The following DAPK2 variants were observed in gnomAD, a reference collection of about 807,000 sequenced individuals.
The protein encoded by DAPK2 is death associated protein kinase 2, also known as death-associated protein kinase 2.
DAPK2 carries 35 observed loss-of-function variants against 44.1 expected under a neutral mutation model. That is an observed-to-expected ratio of 0.79 (90% CI 0.61 to 1.05). DAPK2 has a LOEUF of 1.05. DAPK2 is among the 50% of genes least tolerant of loss of function. DAPK2 has a pLI of 0.00. For synonymous variants in DAPK2, 174 were observed against 182.6 expected (o/e 0.95, Z 0.38); for missense variants, 453 against 483.2 (o/e 0.94, Z 0.59).
At chr15:63,975,889 C>T (rs560306869) in intron 2 of DAPK2, among the ~76,000 whole-genome samples, 3 of 152,290 alleles carry the variant, frequency 2.0e-5, no homozygotes, top group South Asian at 4.2e-4. Flanking sequence ...CCATTGCGCT[C>T]GGCTCCAGAT....
intron 4 of DAPK2, among the ~76,000 whole-genome samples, chr15:63,937,022 C>T (rs1322150064): frequency 6.7e-6 from 1 of 149,692 alleles, no homozygotes; most frequent in African/African-American, 2.5e-5. Flanking sequence ...AGGAGGAGGG[C>T]TTTTCAGAAC....
At chr15:63,941,634 T>C (rs1324627564) in intron 3 of DAPK2, among the ~76,000 whole-genome samples, 3 of 151,590 alleles carry the variant, frequency 2.0e-5, no homozygotes, top group Admixed American at 6.6e-5. Flanking sequence ...TTTCCTTTTT[T>C]TAAAAAAAAT....
chr15:63,976,856 T>C (rs1218570336), intron 2 of DAPK2, among the ~76,000 whole-genome samples: 1 of 152,270 alleles, frequency 6.6e-6, no homozygotes, highest in Non-Finnish European at 1.5e-5. Context: ...CTATTTCTTT[T>C]TGTTTAGTCA....
In DAPK2 at chr15:63,923,392, C is replaced by A. The variant is rs1237402522; in HGVS notation, c.858+1424G>T. ...ATCAGAGTGTTAATTTGCCGCCCAC[C>A]CCAGAGGGCAGTCCAAAGGGTAGGC... On this transcript the variant is annotated intron_variant, in intron 8 of 10. Transcript: ENST00000261891. This position sits in a 1 kb window ranked among gnomAD's most constrained non-coding sequence, Gnocchi z 4.2. 5.3e-6 allele frequency: 8 copies of A among 1,511,248 alleles called. No homozygotes were observed. The highest frequency in any genetic ancestry group is 7.1e-6 in the Non-Finnish European group (8 of 1,132,636). 93.6% of individuals were successfully genotyped at this position (1,511,248 alleles called of 1,614,324 possible).
At chr15:63,965,265 G>T (rs755225899) in intron 3 of DAPK2, among the ~76,000 whole-genome samples, 127 of 152,338 alleles carry the variant, frequency 8.3e-4, no homozygotes, top group African/African-American at 2.5e-3. Flanking sequence ...ATCTGGTTTA[G>T]GAGGCAGAGA....
At chr15:64,001,599 C>G (rs1023523837) in intron 1 of DAPK2, among the ~76,000 whole-genome samples, 2 of 152,166 alleles carry the variant, frequency 1.3e-5, no homozygotes, top group Admixed American at 6.5e-5. Context: ...AGTGTGCCCC[C>G]CTCCCCACTC....
At chr15:63,944,468 G>C (rs1170679087) in intron 3 of DAPK2, among the ~76,000 whole-genome samples, 2 of 152,206 alleles carry the variant, frequency 1.3e-5, no homozygotes, top group African/African-American at 4.8e-5. Flanking sequence ...GCTGTCCCAA[G>C]CTCCACTATT....
At chr15:64,016,737 G>A (rs1219286626) in intron 1 of DAPK2, among the ~76,000 whole-genome samples, 1 of 151,802 alleles carries the variant, frequency 6.6e-6, no homozygotes, top group Non-Finnish European at 1.5e-5. Flanking sequence ...AGGCCACAAT[G>A]AGCCATGACT....
chr15:63,925,992 G>T, exon 7 of DAPK2: 1 of 1,614,170 alleles, frequency 6.2e-7, no homozygotes, highest in Non-Finnish European at 8.5e-7. Context: ...CAGCTCGCTC[G>T]TCTGGCTGAA....
chr15:63,935,831 TG>T (rs1567216459), intron 4 of DAPK2: 2 of 152,236 alleles, frequency 1.3e-5, no homozygotes, highest in Admixed American at 6.5e-5. Flanking sequence ...TGTCACTCTA[TG>T]GTGCTCTAGC....
Position 63,908,749 on chromosome 15 carries a change from C to A in DAPK2, c.1033-149G>T, listed in dbSNP as rs569164489. The stretch of plus-strand genomic sequence containing the variant: ...GGTGAAAGCAAGCCTGCTGATCCAT[C>A]CAGGGGCTGGGGGATGGGAGGGATC... On this transcript the variant is annotated intron_variant, in intron 10 of 10. Transcript: ENST00000261891. This position sits in a 1 kb window ranked among gnomAD's most constrained non-coding sequence, Gnocchi z 5.7. 2.6e-4 allele frequency: 141 copies of A among 539,910 alleles called. 2 individuals are homozygous for A. The South Asian group carries it at 4.0e-3, about 15-fold the overall frequency. 33.4% of individuals were successfully genotyped at this position (539,910 alleles called of 1,614,324 possible).
chr15:64,030,186 G>A (rs948021820), intron 1 of DAPK2, among the ~76,000 whole-genome samples: 1 of 152,174 alleles, frequency 6.6e-6, no homozygotes, highest in Non-Finnish European at 1.5e-5. Flanking sequence ...TACTGGGGAG[G>A]CTGAGGCAGG....
In DAPK2 at chr15:63,990,773, G is replaced by A. The variant is rs1320510682; in HGVS notation, c.93-7019C>T. On this transcript the variant is annotated intron_variant, in intron 1 of 10. Transcript: ENST00000261891. This position sits in a 1 kb window ranked among gnomAD's most constrained non-coding sequence, Gnocchi z 4.3. The stretch of plus-strand genomic sequence containing the variant: ...GCGAGGTTTCAGGGCCATAGGGCAG[G>A]GATAATGCTTAGGAACTTCCAGCCA... Among the ~76,000 whole-genome samples the A allele has an allele frequency of 6.6e-6, 1 of 152,324 alleles. No homozygotes were observed. Among genetic ancestry groups the A allele is most frequent in the East Asian group, 1.9e-4 (1 of 5,176 alleles).
chr15:63,954,377 T>C (rs1239025738), intron 3 of DAPK2, among the ~76,000 whole-genome samples: 1 of 152,238 alleles, frequency 6.6e-6, no homozygotes, highest in Non-Finnish European at 1.5e-5. Flanking sequence ...GGATATGTAG[T>C]TTTCTCAATA....
At chr15:64,016,847 GGAA>G in intron 1 of DAPK2, among the ~76,000 whole-genome samples, 1 of 8,436 alleles carries the variant, frequency 1.2e-4, no homozygotes, top group East Asian at 5.3e-3. Context: ...AGGGAAGGAA[GGAA>G]GGAAGGAAGG....
rs932590454 is a variant in DAPK2, at chr15:64,036,049, T to G, written c.92+4121A>C. ...ATTTTTTGGGGGGAGGATCACAAGG[T>G]CAAGAGATCGAGACCATCCTGGCCA... On this transcript the variant is annotated intron_variant, in intron 1 of 10. Transcript: ENST00000261891. Among the ~76,000 whole-genome samples the G allele has an allele frequency of 7.9e-5, 12 of 151,656 alleles. No individual in the cohort carries two copies. The South Asian group carries it at 1.7e-3, about 21-fold the overall frequency.
chr15:64,011,972 T>C (rs113561882), intron 1 of DAPK2, among the ~76,000 whole-genome samples: 15 of 152,278 alleles, frequency 9.9e-5, no homozygotes, highest in African/African-American at 3.1e-4. Context: ...GCCACCTTCA[T>C]GGAAAGTAAT....
At position 63,912,822 on chromosome 15, in the gene DAPK2, G is replaced by A. The variant is rs1039495792; in HGVS notation, c.859-625C>T. On this transcript the variant is annotated intron_variant, in intron 8 of 10. Coordinates refer to ENST00000261891, the Ensembl canonical transcript of DAPK2. This position sits in a 1 kb window ranked among gnomAD's most constrained non-coding sequence, Gnocchi z 4.4. ...GGGTTGTTAAGGATTATATGATCAT[G>A]CATATATAAAGTGCTTAGCCCAGCA... Among the ~76,000 whole-genome samples, 1 of 152,156 alleles carries A rather than the reference G, an allele frequency of 6.6e-6. No individual in the cohort carries two copies. The highest frequency in any genetic ancestry group is 1.5e-5 in the Non-Finnish European group (1 of 68,034).
intron 4 of DAPK2, among the ~76,000 whole-genome samples, chr15:63,936,703 G>A (rs1244839650): frequency 6.6e-6 from 1 of 152,000 alleles, no homozygotes; most frequent in Non-Finnish European, 1.5e-5. Context: ...TTTGTAAGCC[G>A]GGCATGGTGG....
Sources: gnomAD v4.1 joint callset for allele counts (sites outside exome capture counted in the v4.1 genomes callset) on GRCh38, gnomAD v4.1.1 for gene constraint, Gnocchi (gnomAD v3.1) non-coding constraint, MANE v1.5 for transcripts, NCBI Gene and HGNC (gene_info 2026-07-23, HGNC 2026-07-21) for gene names.